MBNL1: variants seen among roughly 807,000 people sequenced by gnomAD.
MBNL1 encodes muscleblind-like protein 1.
A neutral mutation model predicts 42.2 loss-of-function variants in MBNL1; 8 were observed. The ratio of observed to expected loss-of-function variants is 0.19; its 90% confidence interval spans 0.11 to 0.34. The LOEUF (loss-of-function observed/expected upper bound fraction) is 0.34, where lower values mean the gene tolerates loss of function less well. Ranked by LOEUF, MBNL1 falls within the 10% of genes least tolerant of loss-of-function variation. The probability of loss-of-function intolerance (pLI) is 1.00; values close to 1 mark genes in which losing one functional copy is unlikely to be tolerated. For synonymous variants in MBNL1, 169 were observed against 173.9 expected (o/e 0.97, Z 0.22); for missense variants, 309 against 495.3 (o/e 0.62, Z 3.57).
chr3:152,442,617 G>T (rs1286577704), intron 4 of MBNL1, among the ~76,000 whole-genome samples: 3 of 152,152 alleles, frequency 2.0e-5, no homozygotes, highest in African/African-American at 7.2e-5. Context: ...ATGTCTAAGA[G>T]ATTTATTTTG....
Position 152,300,148 on chromosome 3 carries a change from G to A in MBNL1, c.-46G>A, listed in dbSNP as rs555382989. On this transcript the variant is annotated 5_prime_UTR_variant, in exon 2 of 10. Transcript: ENST00000324210. ...TGTTGCTCTTTTTTGGGGGGGTTGG[G>A]TTTGTTGGTTTCACTGAAACATTTA... The A allele has an allele frequency of 3.3e-5, 45 of 1,373,482 alleles. No homozygotes were observed. The Middle Eastern group carries it at 9.3e-4, about 29-fold the overall frequency. The allele number at this position is 1,373,482 out of a possible 1,614,324, so 85.1% of individuals were successfully genotyped here. A position where few individuals can be genotyped will look rare whatever the true frequency, so the allele number is the denominator to read the frequency against.
At chr3:152,422,619 C>A (rs1017388456) in intron 3 of MBNL1, among the ~76,000 whole-genome samples, 2 of 152,220 alleles carry the variant, frequency 1.3e-5, no homozygotes, top group Non-Finnish European at 2.9e-5. Context: ...ATCTACAGGA[C>A]TCTCCACCCC....
At position 152,340,439 on chromosome 3, in the gene MBNL1, A is replaced by AT. The variant is rs575925832; in HGVS notation, c.174+40082dup. ...GTTTTTTCCTGCCAAGTTCAGTTCCATTTTTTTTTTAAGTAAAATATCAGA... is the reference window on the plus strand; with the variant it reads ...GTTTTTTCCTGCCAAGTTCAGTTCCATTTTTTTTTTTAAGTAAAATATCAGA... On this transcript the variant is annotated intron_variant, in intron 2 of 9. Transcript: ENST00000324210. 6,368 of 1,264,882 alleles carry AT rather than the reference A, an allele frequency of 5.0e-3. 1 individual carries two copies. Among genetic ancestry groups the AT allele is most frequent in the South Asian group, 6.1e-3 (366 of 60,010 alleles). The allele number at this position is 1,264,882 out of a possible 1,614,324, so 78.4% of individuals were successfully genotyped here.
chr3:152,369,549 C>T (rs2096572092), intron 2 of MBNL1, among the ~76,000 whole-genome samples: 1 of 152,062 alleles, frequency 6.6e-6, no homozygotes, highest in African/African-American at 2.4e-5. Context: ...AGGAGTCCCT[C>T]TTTTTATATT....
intron 2 of MBNL1, chr3:152,338,322 A>C (rs1173766361): frequency 1.0e-6 from 1 of 985,140 alleles, no homozygotes. Context: ...TCATGTCTCC[A>C]CTTCCTTAGC....
At chr3:152,320,021 G>T (rs1355409492) in intron 2 of MBNL1, among the ~76,000 whole-genome samples, 1 of 152,018 alleles carries the variant, frequency 6.6e-6, no homozygotes, top group Non-Finnish European at 1.5e-5. Context: ...CAGTTAATTT[G>T]TAAATTGTTT....
chr3:152,361,774 A>G (rs2095978114), intron 2 of MBNL1, among the ~76,000 whole-genome samples: 1 of 152,204 alleles, frequency 6.6e-6, no homozygotes, highest in Admixed American at 6.5e-5. Context: ...GGTAGATTAA[A>G]TCTTGCTTTA....
chr3:152,249,372 T>A (rs1230321062), intron 2 of MBNL1, among the ~76,000 whole-genome samples: 1 of 138,742 alleles, frequency 7.2e-6, no homozygotes, highest in African/African-American at 2.6e-5. Context: ...TGGCCAGTGA[T>A]GATGAGCATT....
chr3:152,455,554 G>T lies in MBNL1; in HGVS notation c.974G>T (p.Cys325Phe). Residue 325 changes from cysteine to phenylalanine, a missense_variant, in exon 7 of 10, where the codon TGC becomes TTC. Transcript: ENST00000324210. ...GCATGATGGGCAGGCTCAATATTGT[G>T]CATGACACCCGCTACAAGTGTTGGT... ...TAFLPPGSILCMTPATSVVPM... is the reference protein window; with the variant it reads ...TAFLPPGSILFMTPATSVVPM... The T allele has an allele frequency of 6.2e-7, 1 of 1,613,596 alleles. No individual in the cohort carries two copies. The highest frequency in any genetic ancestry group is 8.5e-7 in the Non-Finnish European group (1 of 1,179,658).
chr3:152,340,556 T>G, intron 2 of MBNL1: 4 of 1,612,600 alleles, frequency 2.5e-6, no homozygotes, highest in Non-Finnish European at 3.4e-6. Flanking sequence ...AGCTGAGACA[T>G]AGCTACAACT....
chr3:152,325,780 A>G (rs1236312772), intron 2 of MBNL1, among the ~76,000 whole-genome samples: 1 of 125,762 alleles, frequency 8.0e-6, no homozygotes, highest in Non-Finnish European at 1.6e-5. Context: ...GCTCTTCCAG[A>G]TATGAACTCA....
intron 2 of MBNL1, among the ~76,000 whole-genome samples, chr3:152,343,041 T>C (rs2152867282): frequency 6.6e-6 from 1 of 152,262 alleles, no homozygotes; most frequent in South Asian, 2.1e-4. Flanking sequence ...GAACAGTCTG[T>C]ATGCTTTCTC....
intron 2 of MBNL1, among the ~76,000 whole-genome samples, chr3:152,389,617 G>A (rs1030240915): frequency 1.3e-5 from 2 of 152,080 alleles, no homozygotes; most frequent in Admixed American, 6.6e-5. Context: ...AGTGGTATTT[G>A]TGTATCTAGA....
chr3:152,448,378 C>G (rs1215407832), intron 6 of MBNL1, among the ~76,000 whole-genome samples: 2 of 152,124 alleles, frequency 1.3e-5, no homozygotes, highest in African/African-American at 4.8e-5. Context: ...AGCTTATTTT[C>G]AATTTGGTAA....
intron 3 of MBNL1, among the ~76,000 whole-genome samples, chr3:152,425,469 A>C (rs977132815): frequency 3.3e-5 from 5 of 152,064 alleles, no homozygotes; most frequent in African/African-American, 1.2e-4. Context: ...TTAGCCGGGC[A>C]TGGTGGCACA....
chr3:152,459,345 A>T lies in MBNL1; in HGVS notation c.*18A>T. The T allele has an allele frequency of 6.5e-7, 1 of 1,532,630 alleles. No homozygotes were observed. The highest frequency in any genetic ancestry group is 8.9e-7 in the Non-Finnish European group (1 of 1,123,418). 94.9% of individuals were successfully genotyped at this position (1,532,630 alleles called of 1,614,324 possible). A position where few individuals can be genotyped will look rare whatever the true frequency, so the allele number is the denominator to read the frequency against. ...AGATGTAGAATTTTCATCACTAAAC[A>T]GTAAGTTCATTATGTAATATATAGT... is the stretch of plus-strand genomic sequence containing the variant. On this transcript the variant is annotated splice_region_variant and 3_prime_UTR_variant, in exon 9 of 10. Transcript: ENST00000324210.
chr3:152,302,613 A>G (rs185961987), intron 2 of MBNL1, among the ~76,000 whole-genome samples: 5 of 152,306 alleles, frequency 3.3e-5, no homozygotes, highest in Admixed American at 1.3e-4. Flanking sequence ...GATCAAAAAC[A>G]TATTTTAAAA....
At chr3:152,424,648 G>C (rs1451479730) in intron 3 of MBNL1, among the ~76,000 whole-genome samples, 1 of 151,130 alleles carries the variant, frequency 6.6e-6, no homozygotes, top group Non-Finnish European at 1.5e-5. Context: ...AAAGAACAAA[G>C]CTGGAGGCAT....
chr3:152,432,192 C>A (rs1381920986), intron 3 of MBNL1, among the ~76,000 whole-genome samples: 1 of 152,208 alleles, frequency 6.6e-6, no homozygotes, highest in African/African-American at 2.4e-5. Flanking sequence ...CTTTCACATA[C>A]CCCATGAGAT....
Sources: gnomAD v4.1 joint callset for allele counts (sites outside exome capture counted in the v4.1 genomes callset) on GRCh38, gnomAD v4.1.1 for gene constraint, MANE v1.5 for transcripts, NCBI Gene and HGNC (gene_info 2026-07-23, HGNC 2026-07-21) for gene names.